The following TXLNB variants were observed in gnomAD, a reference collection of about 807,000 sequenced individuals.
The protein encoded by TXLNB is taxilin beta, also known as beta-taxilin.
Under a neutral mutation model 57.4 loss-of-function variants are expected in TXLNB, and 37 were observed. The ratio of observed to expected loss-of-function variants is 0.64; its 90% CI spans 0.50 to 0.85. TXLNB has a LOEUF of 0.85. Among genes scored for constraint, TXLNB ranks in the 40% least tolerant of loss-of-function variants. The pLI is 0.00. For synonymous variants in TXLNB, 302 were observed against 309.6 expected, an observed-to-expected ratio of 0.98 and a Z score of 0.26; for missense variants, 848 against 825.6, an observed-to-expected ratio of 1.03 and a Z score of -0.33.
At chr6:139,238,664 G>A (rs1486895440), downstream of TXLNB, among the ~76,000 whole-genome samples, 2 of 152,090 alleles carry the variant, frequency 1.3e-5, no homozygotes, top group Non-Finnish European at 2.9e-5. Context: ...GTGCTCTATG[G>A]ATGATAACCT....
chr6:139,290,255 C>G lies in TXLNB; in HGVS notation c.-14-1342G>C, dbSNP rs182473658. Among the ~76,000 whole-genome samples the G allele has an allele frequency of 4.1e-3, 621 of 152,172 alleles. 9 individuals are homozygous for G. The highest frequency in any genetic ancestry group is 0.014 in the African/African-American group (579 of 41,504). ...ATTAGCCAGGTGTGGTGGCGGGCACCGGTAGTCCCAGCTACTTGGGAGGCT... is the reference window on the plus strand; with the variant it reads ...ATTAGCCAGGTGTGGTGGCGGGCACGGGTAGTCCCAGCTACTTGGGAGGCT... On this transcript the variant is annotated intron_variant, in intron 1 of 9. Coordinates refer to ENST00000358430, the MANE Select transcript of TXLNB (RefSeq NM_153235.4).
the TXLNB span, among the ~76,000 whole-genome samples, chr6:139,190,247 G>T: frequency 6.3e-4 from 96 of 151,182 alleles, 2 homozygotes; most frequent in Admixed American, 3.5e-3. Flanking sequence ...AGGTTGGGGA[G>T]TCTAAGATCA....
the TXLNB span, among the ~76,000 whole-genome samples, chr6:139,305,615 A>G: frequency 2.6e-5 from 4 of 152,220 alleles, no homozygotes; most frequent in Admixed American, 2.0e-4. Flanking sequence ...CACATATTTA[A>G]AAAATCCCAA....
chr6:139,307,656 C>T, the TXLNB span, among the ~76,000 whole-genome samples: 3 of 152,098 alleles, frequency 2.0e-5, no homozygotes, highest in Non-Finnish European at 2.9e-5. Context: ...TAGAGATTTC[C>T]AGGACAACCT....
intron 5 of TXLNB, among the ~76,000 whole-genome samples, chr6:139,261,512 G>C (rs934194048): frequency 2.0e-5 from 3 of 152,112 alleles, no homozygotes; most frequent in Non-Finnish European, 4.4e-5. Flanking sequence ...GGGTGGGATA[G>C]GGAAAGGAAT....
the TXLNB span, among the ~76,000 whole-genome samples, chr6:139,320,723 T>TCA: frequency 6.6e-6 from 1 of 152,120 alleles, no homozygotes; most frequent in Non-Finnish European, 1.5e-5. Flanking sequence ...AGACAAGTTA[T>TCA]CAACTTGCTC....
At chr6:139,188,476 C>CA in the TXLNB span, among the ~76,000 whole-genome samples, 1 of 152,138 alleles carries the variant, frequency 6.6e-6, no homozygotes. Context: ...AAAACAGGAT[C>CA]TGTGATCTAC....
the TXLNB span, among the ~76,000 whole-genome samples, chr6:139,219,471 A>G: frequency 6.6e-6 from 1 of 152,236 alleles, no homozygotes; most frequent in East Asian, 1.9e-4. Flanking sequence ...AGCTCAAAGC[A>G]GCCTTTCTGG....
Position 139,240,419 on chromosome 6 carries a change from T to C in TXLNB, c.*2107A>G, listed in dbSNP as rs1003144393. On this transcript the variant is annotated 3_prime_UTR_variant, in exon 10 of 10. Coordinates refer to ENST00000358430, the MANE Select transcript of TXLNB (RefSeq NM_153235.4). Reference sequence around the variant, plus strand: ...GTGAAAGTCTTTTGGATGAAAATAATGAACTTTGGGTTTTAGAATATTTGA... The same window carrying C: ...GTGAAAGTCTTTTGGATGAAAATAACGAACTTTGGGTTTTAGAATATTTGA... 17 of 152,652 alleles carry C rather than the reference T, an allele frequency of 1.1e-4. No individual in the cohort carries two copies. The highest frequency in any genetic ancestry group is 1.1e-3 in the Admixed American group (17 of 15,276). The allele number at this position is 152,652 out of a possible 1,614,324, so 9.5% of individuals were successfully genotyped here. A position where few individuals can be genotyped will look rare whatever the true frequency, so the allele number is the denominator to read the frequency against.
At chr6:139,180,971 T>C in the TXLNB span, among the ~76,000 whole-genome samples, 4 of 152,230 alleles carry the variant, frequency 2.6e-5, no homozygotes, top group Non-Finnish European at 5.9e-5. Context: ...GCCAACTTTT[T>C]TGCTGCTTGC....
At chr6:139,198,097 A>G in the TXLNB span, among the ~76,000 whole-genome samples, 1 of 152,140 alleles carries the variant, frequency 6.6e-6, no homozygotes, top group Non-Finnish European at 1.5e-5. Flanking sequence ...AACAAACAAA[A>G]AATCCCTGAG....
At chr6:139,203,226 T>C in the TXLNB span, among the ~76,000 whole-genome samples, 1 of 152,216 alleles carries the variant, frequency 6.6e-6, no homozygotes, top group Non-Finnish European at 1.5e-5. Context: ...TTCCTTTGGA[T>C]AAATATATTC....
In TXLNB at chr6:139,288,762, C is replaced by T. The variant is rs1211618931; in HGVS notation, c.138G>A (p.Glu46=). 1 of 1,614,088 alleles carries T rather than the reference C, an allele frequency of 6.2e-7. No individual in the cohort carries two copies. The highest frequency in any genetic ancestry group is 8.5e-7 in the Non-Finnish European group (1 of 1,180,054). Residue 46 remains glutamate, a synonymous_variant, in exon 2 of 10, where the codon GAG becomes GAA. Coordinates refer to ENST00000358430, the MANE Select transcript of TXLNB (RefSeq NM_153235.4). ...TATCGGGGTGCACACTTGCCTCTTT[C>T]TCTGGTGGTTGGACTGGGGTTGGAG... ...QDSPTPVQPP[E]KEASVHPDIS...
the TXLNB span, among the ~76,000 whole-genome samples, chr6:139,319,277 T>C: frequency 3.3e-5 from 5 of 151,310 alleles, no homozygotes; most frequent in African/African-American, 1.2e-4. Context: ...TTTTTTTTTT[T>C]TTTGCAGAGA....
At chr6:139,172,077 C>G in the TXLNB span, among the ~76,000 whole-genome samples, 3 of 152,114 alleles carry the variant, frequency 2.0e-5, no homozygotes, top group Non-Finnish European at 4.4e-5. Flanking sequence ...GTGATCTACC[C>G]GCCTTGGCCT....
the TXLNB span, among the ~76,000 whole-genome samples, chr6:139,230,649 T>G: frequency 2.0e-5 from 3 of 152,172 alleles, no homozygotes; most frequent in Non-Finnish European, 4.4e-5. Context: ...TTTTCTTGCC[T>G]GGGGATGGAG....
intron 4 of TXLNB, among the ~76,000 whole-genome samples, chr6:139,263,002 A>G (rs1776525659): frequency 6.6e-6 from 1 of 152,194 alleles, no homozygotes; most frequent in Admixed American, 6.5e-5. Flanking sequence ...GTAGTCAGTG[A>G]TGAATAGACT....
the TXLNB span, among the ~76,000 whole-genome samples, chr6:139,233,359 AT>A: frequency 5.3e-3 from 17 of 3,224 alleles, no homozygotes; most frequent in South Asian, 0.15. Context: ...ATAAATATAT[AT>A]TTTTATATAA....
chr6:139,260,523 T>G, intron 5 of TXLNB, 86 bp from the exon 6 acceptor site: 1 of 1,372,696 alleles, frequency 7.3e-7, no homozygotes, highest in Non-Finnish European at 1.0e-6. Flanking sequence ...TTAATACACA[T>G]TCCCCAGGTT....
Sources: gnomAD v4.1 joint callset for allele counts (sites outside exome capture counted in the v4.1 genomes callset) on GRCh38, gnomAD v4.1.1 for gene constraint, MANE v1.5 for transcripts, NCBI Gene and HGNC (gene_info 2026-07-23, HGNC 2026-07-21) for gene names.